GFRA2: variants seen among roughly 807,000 people sequenced by gnomAD.
GFRA2 encodes GDNF family receptor alpha-2.
Under a neutral mutation model 48.3 loss-of-function variants are expected in GFRA2, and 17 were observed. The ratio of observed to expected loss-of-function variants is 0.35; its 90% CI spans 0.24 to 0.53. The LOEUF is 0.53. Among genes scored for constraint, GFRA2 ranks in the 20% least tolerant of loss-of-function variants. The pLI is 0.93. For synonymous variants in GFRA2, 305 were observed against 257.2 expected, an observed-to-expected ratio of 1.19 and a Z score of -1.78; for missense variants, 660 against 637.3, an observed-to-expected ratio of 1.04 and a Z score of -0.38.
At chr8:21,697,209 G>A (rs1802252177) in intron 7 of GFRA2, among the ~76,000 whole-genome samples, 1 of 89,248 alleles carries the variant, frequency 1.1e-5, no homozygotes. Flanking sequence ...AAACGGAAAG[G>A]GGAGGGGAGG....
chr8:21,783,308 G>A (rs962485180), intron 1 of GFRA2, among the ~76,000 whole-genome samples: 6 of 152,108 alleles, frequency 3.9e-5, no homozygotes, highest in Non-Finnish European at 5.9e-5. Context: ...TACCACCCAG[G>A]CCTCCTATAA....
chr8:21,712,847 A>C (rs1421420295), intron 4 of GFRA2, among the ~76,000 whole-genome samples: 6 of 152,176 alleles, frequency 3.9e-5, no homozygotes, highest in South Asian at 2.1e-4. Context: ...TCCACCAAAA[A>C]AATACGAAAA....
At chr8:21,724,356 G>C (rs1365480930) in intron 4 of GFRA2, among the ~76,000 whole-genome samples, 2 of 152,130 alleles carry the variant, frequency 1.3e-5, no homozygotes, top group African/African-American at 4.8e-5. Flanking sequence ...CTGTTGAGAA[G>C]AGCAAGCAGA....
At chr8:21,781,126 G>A (rs1201008936) in intron 2 of GFRA2, among the ~76,000 whole-genome samples, 1 of 152,030 alleles carries the variant, frequency 6.6e-6, no homozygotes, top group Non-Finnish European at 1.5e-5. Context: ...ATAGCTCTTA[G>A]ACCCATTTTT....
chr8:21,778,144 C>T (rs1006643433), intron 2 of GFRA2, among the ~76,000 whole-genome samples: 67 of 152,332 alleles, frequency 4.4e-4, no homozygotes, highest in Non-Finnish European at 8.5e-4. Context: ...ACACACATCG[C>T]TCCTCTCAGC....
chr8:21,787,037 A>T (rs1413378415), intron 1 of GFRA2, among the ~76,000 whole-genome samples: 5 of 151,894 alleles, frequency 3.3e-5, no homozygotes, highest in Non-Finnish European at 7.4e-5. Flanking sequence ...GGCTCCCTCT[A>T]TGGGAGCGTC....
In GFRA2 at chr8:21,788,305, C is replaced by T; in HGVS notation, c.-146G>A. On this transcript the variant is annotated 5_prime_UTR_variant, in exon 1 of 9. Transcript: ENST00000524240. ...CCCAGCTAGTCCACCCGATGAAGAT[C>T]CCGAGTCCTGCGATTCTCGCCTCTG... 1 of 1,390,336 alleles carries T rather than the reference C, an allele frequency of 7.2e-7. No individual in the cohort carries two copies. Among genetic ancestry groups the T allele is most frequent in the African/African-American group, 1.5e-5 (1 of 66,522 alleles). The allele number at this position is 1,390,336 out of a possible 1,614,324, so 86.1% of individuals were successfully genotyped here. A position where few individuals can be genotyped will look rare whatever the true frequency, so the allele number is the denominator to read the frequency against.
intron 4 of GFRA2, among the ~76,000 whole-genome samples, chr8:21,711,004 A>C (rs1328307345): frequency 6.6e-6 from 1 of 152,122 alleles, no homozygotes; most frequent in Non-Finnish European, 1.5e-5. Flanking sequence ...AGCATCAGAG[A>C]CCACGTGGTA....
chr8:21,790,003 T>G, upstream of GFRA2: 3 of 873,722 alleles, frequency 3.4e-6, no homozygotes, highest in Non-Finnish European at 4.1e-6. Context: ...GCTCCGGGGT[T>G]GGGGGGTTCC....
upstream of GFRA2, among the ~76,000 whole-genome samples, chr8:21,793,119 G>A (rs7843351): frequency 0.14 from 20,844 of 152,120 alleles, 1,856 homozygotes; most frequent in South Asian, 0.28. Flanking sequence ...GGTGGGAGGA[G>A]CCAAGTGCAC....
intron 4 of GFRA2, among the ~76,000 whole-genome samples, chr8:21,739,023 C>T (rs1266442911): frequency 6.6e-6 from 1 of 152,204 alleles, no homozygotes; most frequent in Non-Finnish European, 1.5e-5. Flanking sequence ...TTGACCCCAG[C>T]TCATCAGGAT....
intron 7 of GFRA2, among the ~76,000 whole-genome samples, chr8:21,699,779 G>C (rs1802380597): frequency 6.6e-6 from 1 of 152,214 alleles, no homozygotes; most frequent in Non-Finnish European, 1.5e-5. Flanking sequence ...CCATCCTCTA[G>C]GACAGCAGGG....
chr8:21,776,865 C>T (rs1434236368), intron 2 of GFRA2, among the ~76,000 whole-genome samples: 2 of 152,166 alleles, frequency 1.3e-5, no homozygotes, highest in South Asian at 2.1e-4. Flanking sequence ...TCCTCCACCC[C>T]ACCTACTGGC....
chr8:21,757,613 C>A (rs1279621475), intron 3 of GFRA2, among the ~76,000 whole-genome samples: 1 of 151,686 alleles, frequency 6.6e-6, no homozygotes, highest in African/African-American at 2.4e-5. Context: ...CCTGCCTCAG[C>A]CTCCTCAGAG....
intron 1 of GFRA2, among the ~76,000 whole-genome samples, chr8:21,787,531 C>T (rs1807342755): frequency 6.6e-6 from 1 of 152,164 alleles, no homozygotes. Flanking sequence ...AGTGGAGCCG[C>T]CGGTTAGGGG....
chr8:21,787,731 T>TC (rs1780027383), intron 1 of GFRA2, among the ~76,000 whole-genome samples: 1 of 152,052 alleles, frequency 6.6e-6, no homozygotes, highest in Non-Finnish European at 1.5e-5. Context: ...CCTAGGAGCC[T>TC]CTCTCTCCCT....
chr8:21,802,697 T>C (rs1309065026), intron 2 of GFRA2, among the ~76,000 whole-genome samples: 2 of 152,020 alleles, frequency 1.3e-5, no homozygotes, highest in African/African-American at 2.4e-5. Context: ...TACAGCCTAG[T>C]AGGGGGAGGC....
chr8:21,721,852 AG>A (rs1419865227), intron 4 of GFRA2, among the ~76,000 whole-genome samples: 1 of 152,192 alleles, frequency 6.6e-6, no homozygotes, highest in Non-Finnish European at 1.5e-5. Flanking sequence ...GCTCTAAAAA[AG>A]CACAGGGCAA....
chr8:21,700,206 G>A (rs1036034218), intron 7 of GFRA2, among the ~76,000 whole-genome samples: 1 of 152,184 alleles, frequency 6.6e-6, no homozygotes, highest in Non-Finnish European at 1.5e-5. Context: ...CTAGAGCCCA[G>A]TGGGATGGAG....
Sources: gnomAD v4.1 joint callset for allele counts (sites outside exome capture counted in the v4.1 genomes callset) on GRCh38, gnomAD v4.1.1 for gene constraint, MANE v1.5 for transcripts, NCBI Gene and HGNC (gene_info 2026-07-23, HGNC 2026-07-21) for gene names.